B4GALT5: variants seen among roughly 807,000 people sequenced by gnomAD.
B4GALT5 encodes the protein UDP-Gal:beta-GlcNAc beta-1,4-galactosyltransferase 5.
Under a neutral mutation model 45.0 loss-of-function variants are expected in B4GALT5, and 11 were observed. That is an observed-to-expected ratio of 0.24 (90% CI 0.15 to 0.40). The LOEUF (loss-of-function observed/expected upper bound fraction) is 0.40, where lower values mean the gene tolerates loss of function less well. Among genes scored for constraint, B4GALT5 ranks in the 10% least tolerant of loss-of-function variants. The pLI, the probability that B4GALT5 is intolerant of heterozygous loss-of-function variation, is 1.00. For missense variants in B4GALT5, 337 were observed against 500.2 expected, an observed-to-expected ratio of 0.67 and a Z score of 3.11; for synonymous variants, 185 against 182.9, an observed-to-expected ratio of 1.01 and a Z score of -0.09.
chr20:49,697,236 C>G (rs1238056812), intron 1 of B4GALT5, among the ~76,000 whole-genome samples: 1 of 152,244 alleles, frequency 6.6e-6, no homozygotes, highest in Non-Finnish European at 1.5e-5. Context: ...CACACCCAGG[C>G]AGTTGTTGTC....
At chr20:49,650,894 C>T (rs1426912519) in intron 2 of B4GALT5, among the ~76,000 whole-genome samples, 1 of 152,038 alleles carries the variant, frequency 6.6e-6, no homozygotes, top group Non-Finnish European at 1.5e-5. Context: ...AAAAACAAGC[C>T]TGTTGAATTT....
rs142305748 is a variant in B4GALT5, at chr20:49,641,230, C to G, written c.607-565G>C. Among the ~76,000 whole-genome samples, 639 of 152,286 alleles carry G rather than the reference C, an allele frequency of 4.2e-3. 1 individual carries two copies. The highest frequency in any genetic ancestry group is 0.013 in the African/African-American group (542 of 41,562). On this transcript the variant is annotated intron_variant, in intron 5 of 8. Coordinates refer to ENST00000371711, the MANE Select transcript of B4GALT5 (RefSeq NM_004776.4). The stretch of plus-strand genomic sequence containing the variant: ...AGGCTACTGAAGGCAGAAATGCAAC[C>G]GTGTACCAGCATTTAGAAGAGTACC...
chr20:49,694,495 A>AT (rs2085829529), intron 1 of B4GALT5, among the ~76,000 whole-genome samples: 2 of 151,868 alleles, frequency 1.3e-5, no homozygotes, highest in Admixed American at 1.3e-4. Flanking sequence ...CTACAAAAAA[A>AT]TTTTTTAAAA....
chr20:49,647,965 C>T (rs810643), intron 2 of B4GALT5, among the ~76,000 whole-genome samples: 119 of 152,184 alleles, frequency 7.8e-4, no homozygotes, highest in Non-Finnish European at 1.6e-3. Context: ...TCCAGTTTTC[C>T]GTCTTGCCAT....
At chr20:49,686,560 G>A (rs1338049286) in intron 1 of B4GALT5, among the ~76,000 whole-genome samples, 1 of 151,860 alleles carries the variant, frequency 6.6e-6, no homozygotes, top group Non-Finnish European at 1.5e-5. Flanking sequence ...ACCATTTTTA[G>A]GACCCTAGAA....
intron 1 of B4GALT5, among the ~76,000 whole-genome samples, chr20:49,687,887 A>G (rs1180516583): frequency 1.3e-5 from 2 of 152,084 alleles, no homozygotes; most frequent in Non-Finnish European, 2.9e-5. Flanking sequence ...ATTAAAAAAA[A>G]AAAAATTTTT....
intron 2 of B4GALT5, among the ~76,000 whole-genome samples, chr20:49,652,983 G>A (rs930038351): frequency 2.6e-5 from 4 of 152,210 alleles, no homozygotes; most frequent in African/African-American, 9.6e-5. Flanking sequence ...CTCTCTGACT[G>A]TGCTAGGTAG....
chr20:49,686,728 CAAAAAAAAAAAAA>C (rs59766440), intron 1 of B4GALT5, among the ~76,000 whole-genome samples: 1 of 59,456 alleles, frequency 1.7e-5, no homozygotes, highest in Non-Finnish European at 2.9e-5. Context: ...TGTCTCTGCC[CAAAAAAAAAAAAA>C]AAAAAAAAAA....
At chr20:49,712,122 G>A (rs1409605529) in intron 1 of B4GALT5, among the ~76,000 whole-genome samples, 1 of 152,154 alleles carries the variant, frequency 6.6e-6, no homozygotes, top group Non-Finnish European at 1.5e-5. Context: ...TTCCTTAAGC[G>A]TTCCACCTAA....
chr20:49,711,516 G>A (rs2085911805), intron 1 of B4GALT5, among the ~76,000 whole-genome samples: 1 of 152,184 alleles, frequency 6.6e-6, no homozygotes, highest in African/African-American at 2.4e-5. Context: ...AGAAAAAAAG[G>A]ATTATGGCTC....
intron 1 of B4GALT5, among the ~76,000 whole-genome samples, chr20:49,681,021 G>C (rs1202120247): frequency 1.3e-5 from 2 of 151,948 alleles, no homozygotes; most frequent in African/African-American, 2.4e-5. Flanking sequence ...AGGAGTTTGA[G>C]ACCAGCCTGG....
intron 2 of B4GALT5, among the ~76,000 whole-genome samples, chr20:49,654,584 A>G (rs6019954): frequency 0.015 from 2,216 of 152,346 alleles, 60 homozygotes; most frequent in African/African-American, 0.05. Context: ...GATGTGGTCA[A>G]TTCTTTTAAG....
chr20:49,706,232 T>A (rs2085883385), intron 1 of B4GALT5, among the ~76,000 whole-genome samples: 2 of 151,670 alleles, frequency 1.3e-5, no homozygotes, highest in Non-Finnish European at 1.5e-5. Flanking sequence ...ATAAGGACCT[T>A]TGTGTCAAGC....
At chr20:49,641,572 C>T (rs573157466) in intron 5 of B4GALT5, among the ~76,000 whole-genome samples, 77 of 152,250 alleles carry the variant, frequency 5.1e-4, no homozygotes, top group African/African-American at 1.7e-3. Context: ...GCAGATAGAC[C>T]GTTAGCATTT....
intron 2 of B4GALT5, among the ~76,000 whole-genome samples, chr20:49,654,354 A>G (rs955318650): frequency 6.6e-6 from 1 of 152,224 alleles, no homozygotes; most frequent in South Asian, 2.1e-4. Context: ...GGATTGTGCA[A>G]AACCTACCAC....
At chr20:49,710,165 G>C (rs6067192) in intron 1 of B4GALT5, among the ~76,000 whole-genome samples, 1 of 152,144 alleles carries the variant, frequency 6.6e-6, no homozygotes, top group African/African-American at 2.4e-5. Flanking sequence ...GATATCTCTA[G>C]CCCTTGAGCA....
intron 2 of B4GALT5, among the ~76,000 whole-genome samples, chr20:49,655,198 A>G (rs895245717): frequency 6.6e-6 from 1 of 152,208 alleles, no homozygotes; most frequent in Non-Finnish European, 1.5e-5. Context: ...TGGGAGGCCG[A>G]GGCAGGCGGA....
intron 1 of B4GALT5, among the ~76,000 whole-genome samples, chr20:49,674,613 G>A (rs2085730039): frequency 6.6e-6 from 1 of 151,700 alleles, no homozygotes; most frequent in African/African-American, 2.4e-5. Context: ...AGGAGACCGA[G>A]GTGGGAGGAT....
At chr20:49,673,841 C>T (rs567639591) in intron 1 of B4GALT5, among the ~76,000 whole-genome samples, 22 of 151,740 alleles carry the variant, frequency 1.4e-4, no homozygotes, top group African/African-American at 5.1e-4. Flanking sequence ...ACAGTTCAAA[C>T]AAAAAAAGCA....
Sources: allele counts gnomAD v4.1 joint callset (sites outside exome capture counted in the v4.1 genomes callset), GRCh38; gene constraint gnomAD v4.1.1; transcripts MANE v1.5; gene names NCBI Gene and HGNC (gene_info 2026-07-23, HGNC 2026-07-21).